CNTN6: variants seen among roughly 807,000 people sequenced by gnomAD.
CNTN6 encodes the protein contactin 6, also known as contactin-6.
CNTN6 carries 137 observed loss-of-function variants against 122.8 expected under a neutral mutation model. That is an observed-to-expected ratio of 1.12 (90% confidence interval 0.97 to 1.29). CNTN6 has a LOEUF of 1.29. Among genes scored for constraint, CNTN6 ranks in the 50% most tolerant of loss-of-function variants. CNTN6 has a pLI of 0.00. For missense variants in CNTN6, 1,634 were observed against 1,223.4 expected, an observed-to-expected ratio of 1.34 and a Z score of -5.01; for synonymous variants, 570 against 426.0, an observed-to-expected ratio of 1.34 and a Z score of -4.16.
chr3:1,190,651 A>T (rs1348671799), intron 2 of CNTN6, among the ~76,000 whole-genome samples: 1 of 152,204 alleles, frequency 6.6e-6, no homozygotes, highest in African/African-American at 2.4e-5. Flanking sequence ...AAAGAAAAAA[A>T]GCTGTAAGAG....
At chr3:1,180,705 C>G (rs531755321) in intron 2 of CNTN6, among the ~76,000 whole-genome samples, 14 of 152,294 alleles carry the variant, frequency 9.2e-5, no homozygotes, top group African/African-American at 2.6e-4. Flanking sequence ...TTACAGTGTT[C>G]TATTGATTGT....
At chr3:1,152,369 G>T (rs754898736) in intron 2 of CNTN6, among the ~76,000 whole-genome samples, 7 of 151,928 alleles carry the variant, frequency 4.6e-5, no homozygotes, top group Non-Finnish European at 8.8e-5. Context: ...AAACTCCTGA[G>T]CTCAGGCAAT....
chr3:1,383,487 T>C, intron 19 of CNTN6, 79 bp downstream of exon 19: 1 of 1,016,174 alleles, frequency 9.8e-7, no homozygotes, highest in Non-Finnish European at 1.5e-6. Flanking sequence ...AGTCCTATCC[T>C]ACTAGCCTGT....
intron 11 of CNTN6, among the ~76,000 whole-genome samples, chr3:1,332,181 G>A (rs1397230815): frequency 6.6e-6 from 1 of 151,922 alleles, no homozygotes; most frequent in Non-Finnish European, 1.5e-5. Flanking sequence ...AGCTCTAGCA[G>A]AATGTAGTAA....
intron 4 of CNTN6, among the ~76,000 whole-genome samples, chr3:1,276,926 A>G (rs1361844198): frequency 6.6e-6 from 1 of 152,036 alleles, no homozygotes; most frequent in African/African-American, 2.4e-5. Context: ...GGCTTTCAAG[A>G]CCTCCCATAT....
chr3:1,193,265 C>A (rs2093728674), intron 2 of CNTN6, among the ~76,000 whole-genome samples: 1 of 152,128 alleles, frequency 6.6e-6, no homozygotes, highest in Non-Finnish European at 1.5e-5. Context: ...AATGACTCAG[C>A]ATGCATACAG....
At chr3:1,323,202 A>G (rs1247149067) in intron 8 of CNTN6, among the ~76,000 whole-genome samples, 1 of 150,852 alleles carries the variant, frequency 6.6e-6, no homozygotes, top group Non-Finnish European at 1.5e-5. Flanking sequence ...AAATCTTAAG[A>G]TTAATATTAA....
intron 7 of CNTN6, among the ~76,000 whole-genome samples, chr3:1,300,605 G>GAAAGAAAGAA (rs1441819441): frequency 1.4e-4 from 17 of 117,410 alleles, no homozygotes; most frequent in African/African-American, 9.6e-4. Flanking sequence ...AAGAAAGAAA[G>GAAAGAAAGAA]AGAGAAAGAA....
At chr3:1,370,000 G>A (rs1559941764) in intron 12 of CNTN6, among the ~76,000 whole-genome samples, 1 of 151,894 alleles carries the variant, frequency 6.6e-6, no homozygotes, top group Non-Finnish European at 1.5e-5. Context: ...AGTATATAAA[G>A]TAATAATGAT....
intron 4 of CNTN6, among the ~76,000 whole-genome samples, chr3:1,232,742 T>C (rs965624484): frequency 2.0e-5 from 3 of 152,042 alleles, no homozygotes; most frequent in Non-Finnish European, 4.4e-5. Context: ...GTGAGAAAGG[T>C]GAAATTGACC....
chr3:1,171,790 A>G (rs1176199389), intron 2 of CNTN6, among the ~76,000 whole-genome samples: 3 of 152,002 alleles, frequency 2.0e-5, no homozygotes, highest in Non-Finnish European at 4.4e-5. Context: ...AATTTTTTGC[A>G]GAGACAGAGA....
intron 2 of CNTN6, among the ~76,000 whole-genome samples, chr3:1,190,328 C>T (rs1436522596): frequency 6.6e-6 from 1 of 152,146 alleles, no homozygotes; most frequent in African/African-American, 2.4e-5. Context: ...AGGAATTCAA[C>T]AAATACATTT....
At chr3:1,296,964 G>C (rs1696339694) in intron 6 of CNTN6, among the ~76,000 whole-genome samples, 1 of 151,840 alleles carries the variant, frequency 6.6e-6, no homozygotes, top group African/African-American at 2.4e-5. Context: ...TAGAGCAGAA[G>C]TATTATATAT....
intron 10 of CNTN6, among the ~76,000 whole-genome samples, chr3:1,327,879 G>A (rs1011571613): frequency 2.0e-5 from 3 of 151,606 alleles, no homozygotes; most frequent in Non-Finnish European, 2.9e-5. Flanking sequence ...ATATCTTTAG[G>A]AATATTTTCA....
Position 1,402,301 on chromosome 3 carries a change from T to C in CNTN6, c.2818-17T>C, listed in dbSNP as rs775369206. 2 of 1,596,350 alleles carry C rather than the reference T, an allele frequency of 1.3e-6. No homozygotes were observed. The highest frequency in any genetic ancestry group is 1.7e-6 in the Non-Finnish European group (2 of 1,169,074). On this transcript the variant is annotated splice_polypyrimidine_tract_variant and intron_variant, in intron 21 of 22. Transcript: ENST00000446702. Reference sequence around the variant, plus strand: ...AAGCAACATGTCCATGTTAACTTGATACCTCATTTTATTCAGATTCTGTAC... The same window carrying C: ...AAGCAACATGTCCATGTTAACTTGACACCTCATTTTATTCAGATTCTGTAC...
intron 4 of CNTN6, among the ~76,000 whole-genome samples, chr3:1,253,766 CT>C (rs2094708776): frequency 6.6e-6 from 1 of 152,132 alleles, no homozygotes; most frequent in Non-Finnish European, 1.5e-5. Flanking sequence ...GGCGGTAACA[CT>C]CTCTCACCTG....
At chr3:1,255,947 A>C (rs1286298413) in intron 4 of CNTN6, among the ~76,000 whole-genome samples, 3 of 152,050 alleles carry the variant, frequency 2.0e-5, no homozygotes, top group Non-Finnish European at 4.4e-5. Flanking sequence ...GACTAACCAC[A>C]ATGGGGATCC....
chr3:1,252,380 T>C (rs1334533414), intron 4 of CNTN6, among the ~76,000 whole-genome samples: 4 of 152,170 alleles, frequency 2.6e-5, no homozygotes, highest in African/African-American at 4.8e-5. Flanking sequence ...CCTGACAATA[T>C]ATAACATTTA....
intron 2 of CNTN6, among the ~76,000 whole-genome samples, chr3:1,151,272 GAATT>G (rs1295467606): frequency 2.0e-5 from 3 of 152,174 alleles, no homozygotes; most frequent in Non-Finnish European, 4.4e-5. Flanking sequence ...TTAAATGAAT[GAATT>G]AATTAATTAC....
Sources: gnomAD v4.1 joint callset for allele counts (sites outside exome capture counted in the v4.1 genomes callset) on GRCh38, gnomAD v4.1.1 for gene constraint, MANE v1.5 for transcripts, NCBI Gene and HGNC (gene_info 2026-07-23, HGNC 2026-07-21) for gene names.